The following RPS6KA2 variants were observed in gnomAD, a reference collection of about 807,000 sequenced individuals.
The protein encoded by RPS6KA2 is ribosomal protein S6 kinase alpha-2.
In RPS6KA2, 42 loss-of-function variants were observed where a neutral mutation model predicts 91.8. The ratio of observed to expected loss-of-function variants is 0.46; its 90% CI spans 0.36 to 0.59. RPS6KA2 has a LOEUF of 0.59. RPS6KA2 is among the 20% of genes least tolerant of loss of function. RPS6KA2 has a pLI of 0.00. For synonymous variants in RPS6KA2, 414 were observed against 393.6 expected (o/e 1.05, Z -0.61); for missense variants, 798 against 978.5 (o/e 0.82, Z 2.46).
chr6:166,523,498 C>T (rs1194494235), intron 3 of RPS6KA2, among the ~76,000 whole-genome samples: 1 of 152,166 alleles, frequency 6.6e-6, no homozygotes, highest in Admixed American at 6.6e-5. Context: ...CACCTCCAAA[C>T]AATACGCTTT....
At chr6:166,580,656 C>T (rs1315081496) in intron 1 of RPS6KA2, among the ~76,000 whole-genome samples, 1 of 151,990 alleles carries the variant, frequency 6.6e-6, no homozygotes, top group Non-Finnish European at 1.5e-5. Context: ...GATTTTCAGT[C>T]TACCCCACCC....
intron 2 of RPS6KA2, among the ~76,000 whole-genome samples, chr6:166,742,878 G>A (rs893073634): frequency 5.3e-5 from 8 of 152,196 alleles, no homozygotes; most frequent in African/African-American, 1.7e-4. Flanking sequence ...CCCATAGAAC[G>A]GGAGCGTTCC....
chr6:166,461,878 C>A (rs907178364), intron 11 of RPS6KA2, among the ~76,000 whole-genome samples: 3 of 152,160 alleles, frequency 2.0e-5, no homozygotes, highest in Non-Finnish European at 4.4e-5. Context: ...CCACCACAGC[C>A]TCTGATAAAA....
intron 2 of RPS6KA2, among the ~76,000 whole-genome samples, chr6:166,853,086 C>G (rs1488292883): frequency 6.6e-6 from 1 of 152,140 alleles, no homozygotes; most frequent in Admixed American, 6.5e-5. Flanking sequence ...GTTGACCTAA[C>G]AAGAAAATGG....
At chr6:166,725,376 T>C (rs1790303415) in intron 2 of RPS6KA2, among the ~76,000 whole-genome samples, 1 of 152,212 alleles carries the variant, frequency 6.6e-6, no homozygotes, top group Admixed American at 6.5e-5. Context: ...AATGTAAATA[T>C]TATAATGACA....
chr6:166,570,958 CAAACTTTTTCTAAACTTTACACG>C (rs1454345415), intron 1 of RPS6KA2, among the ~76,000 whole-genome samples: 1 of 152,132 alleles, frequency 6.6e-6, no homozygotes, highest in Non-Finnish European at 1.5e-5. Flanking sequence ...TTAAAAATGG[CAAACTTTTTCTAAACTTTACACG>C]AAATAATAAA....
intron 2 of RPS6KA2, among the ~76,000 whole-genome samples, chr6:166,854,586 T>C (rs550683759): frequency 3.3e-4 from 50 of 152,342 alleles, no homozygotes; most frequent in African/African-American, 1.1e-3. Flanking sequence ...CTTGAATGAT[T>C]TTTTTCCTAA....
chr6:166,520,239 G>A (rs974848465), intron 3 of RPS6KA2, among the ~76,000 whole-genome samples: 3 of 152,120 alleles, frequency 2.0e-5, no homozygotes, highest in Admixed American at 6.5e-5. Context: ...TGGTTCTCAG[G>A]ACTTTGAATT....
chr6:166,600,759 G>A (rs1156732443), intron 1 of RPS6KA2, among the ~76,000 whole-genome samples: 2 of 152,236 alleles, frequency 1.3e-5, no homozygotes, highest in Admixed American at 6.5e-5. Context: ...AATTTCAGAT[G>A]TGTAGAAATC....
intron 1 of RPS6KA2, among the ~76,000 whole-genome samples, chr6:166,566,696 A>G (rs1784516211): frequency 6.6e-6 from 1 of 152,086 alleles, no homozygotes; most frequent in Non-Finnish European, 1.5e-5. Context: ...AAGGGAAGCA[A>G]TTCTGTCCAC....
intron 1 of RPS6KA2, among the ~76,000 whole-genome samples, chr6:166,569,851 C>T (rs1174018313): frequency 3.3e-5 from 5 of 152,210 alleles, no homozygotes; most frequent in East Asian, 3.8e-4. Flanking sequence ...GTCTTCCCCT[C>T]GTCCTTCAGG....
intron 3 of RPS6KA2, among the ~76,000 whole-genome samples, chr6:166,528,939 G>A (rs1441298758): frequency 6.6e-6 from 1 of 152,242 alleles, no homozygotes; most frequent in Admixed American, 6.5e-5. Flanking sequence ...TGGAGAGGAT[G>A]TGGAGAAATA....
chr6:166,471,737 G>T (rs1780776151), intron 10 of RPS6KA2, among the ~76,000 whole-genome samples: 1 of 152,226 alleles, frequency 6.6e-6, no homozygotes, highest in African/African-American at 2.4e-5. Context: ...TCAGACCAGA[G>T]GTTATGAGTT....
chr6:166,832,147 C>G (rs1225036094), intron 2 of RPS6KA2, among the ~76,000 whole-genome samples: 1 of 151,964 alleles, frequency 6.6e-6, no homozygotes, highest in African/African-American at 2.4e-5. Flanking sequence ...AAGATGCGTA[C>G]CAGATTTCTG....
At chr6:166,647,164 T>TA (rs1787632903) in intron 2 of RPS6KA2, among the ~76,000 whole-genome samples, 1 of 150,774 alleles carries the variant, frequency 6.6e-6, no homozygotes, top group Non-Finnish European at 1.5e-5. Context: ...GTTCTCCTAT[T>TA]TTTTTTTTAA....
At chr6:166,465,742 C>T (rs756405975) in intron 11 of RPS6KA2, among the ~76,000 whole-genome samples, 52 of 152,280 alleles carry the variant, frequency 3.4e-4, no homozygotes, top group Middle Eastern at 3.4e-3. Context: ...CCTCTTCCAT[C>T]GGTGGATGAT....
chr6:166,430,924 TTTA>T (rs941363417), intron 15 of RPS6KA2, among the ~76,000 whole-genome samples: 3 of 151,706 alleles, frequency 2.0e-5, no homozygotes, highest in African/African-American at 4.8e-5. Context: ...TTGTTATTTA[TTTA>T]TTATTATTAT....
At chr6:166,680,401 G>C (rs924170728) in intron 2 of RPS6KA2, among the ~76,000 whole-genome samples, 4 of 152,212 alleles carry the variant, frequency 2.6e-5, no homozygotes, top group African/African-American at 4.8e-5. Context: ...CCAGATAAGG[G>C]AATAAAAGCA....
intron 2 of RPS6KA2, among the ~76,000 whole-genome samples, chr6:166,686,617 C>T (rs1789026736): frequency 6.6e-6 from 1 of 152,250 alleles, no homozygotes; most frequent in Non-Finnish European, 1.5e-5. Flanking sequence ...TTCTCCACCC[C>T]TCACTGGCTC....
Sources: allele counts gnomAD v4.1 joint callset (sites outside exome capture counted in the v4.1 genomes callset), GRCh38; gene constraint gnomAD v4.1.1; transcripts MANE v1.5; gene names NCBI Gene and HGNC (gene_info 2026-07-23, HGNC 2026-07-21).